SNTG1: variants seen among roughly 807,000 people sequenced by gnomAD.
The protein encoded by SNTG1 is syntrophin gamma 1.
A neutral mutation model predicts 74.7 loss-of-function variants in SNTG1; 39 were observed. The observed-to-expected ratio is 0.52, with a 90% confidence interval of 0.40 to 0.68. SNTG1 has a LOEUF of 0.68. Among genes scored for constraint, SNTG1 ranks in the 30% least tolerant of loss-of-function variants. SNTG1 has a pLI of 0.00. For missense variants in SNTG1, 685 were observed against 609.5 expected, an observed-to-expected ratio of 1.12 and a Z score of -1.30; for synonymous variants, 254 against 217.1, an observed-to-expected ratio of 1.17 and a Z score of -1.49.
intron 13 of SNTG1, among the ~76,000 whole-genome samples, chr8:50,621,183 A>T (rs62516796): frequency 0.013 from 1,927 of 152,114 alleles, 15 homozygotes; most frequent in Non-Finnish European, 0.021. Context: ...TTTCAAGTAA[A>T]TATAGCATTT....
intron 9 of SNTG1, among the ~76,000 whole-genome samples, chr8:50,519,916 T>G (rs982251517): frequency 6.6e-6 from 1 of 151,810 alleles, no homozygotes; most frequent in Non-Finnish European, 1.5e-5. Flanking sequence ...ATTGACTTTC[T>G]TCACAGAATT....
intron 2 of SNTG1, among the ~76,000 whole-genome samples, chr8:50,196,374 C>A (rs975206237): frequency 6.6e-6 from 1 of 152,064 alleles, no homozygotes; most frequent in Non-Finnish European, 1.5e-5. Context: ...GTGAAAACTG[C>A]AATGCACAAT....
intron 1 of SNTG1, among the ~76,000 whole-genome samples, chr8:50,135,177 TG>T (rs1391309185): frequency 6.6e-6 from 1 of 152,160 alleles, no homozygotes; most frequent in Non-Finnish European, 1.5e-5. Context: ...AAAAGTCAAT[TG>T]ATCTTCACGG....
chr8:50,437,857 T>G (rs985353724), intron 4 of SNTG1, among the ~76,000 whole-genome samples: 1 of 152,222 alleles, frequency 6.6e-6, no homozygotes, highest in African/African-American at 2.4e-5. Flanking sequence ...AATGTAGCTC[T>G]TTGTTCTCAT....
intron 8 of SNTG1, among the ~76,000 whole-genome samples, chr8:50,480,068 A>G (rs945379338): frequency 2.6e-5 from 4 of 152,332 alleles, no homozygotes; most frequent in South Asian, 2.1e-4. Flanking sequence ...GGCTAGAATT[A>G]CATGTCAAAC....
Position 50,038,103 on chromosome 8 carries a change from C to T in SNTG1, c.-103+125872C>T, listed in dbSNP as rs1430643081. ...TTCTTATGAATTCATACAGGAATGG[C>T]TCCATCATTTTGTCCTGTTCTGGTC... On this transcript the variant is annotated intron_variant, in intron 1 of 18. Transcript: ENST00000642720. Among the ~76,000 whole-genome samples the T allele has an allele frequency of 2.0e-5, 3 of 152,204 alleles. No homozygotes were observed. In the East Asian group the frequency reaches 5.8e-4, roughly 29 times the overall value.
intron 18 of SNTG1, among the ~76,000 whole-genome samples, chr8:50,755,825 T>C (rs2095578981): frequency 6.6e-6 from 1 of 151,934 alleles, no homozygotes; most frequent in Non-Finnish European, 1.5e-5. Flanking sequence ...TATATTATTG[T>C]TGTTTTAATT....
intron 1 of SNTG1, among the ~76,000 whole-genome samples, chr8:49,986,659 G>T (rs1813182382): frequency 1.3e-5 from 2 of 150,956 alleles, no homozygotes; most frequent in African/African-American, 4.9e-5. Flanking sequence ...GATTGCTTGA[G>T]CTCAGGAGTT....
chr8:50,713,845 G>T (rs557783541), intron 17 of SNTG1, among the ~76,000 whole-genome samples: 5 of 152,074 alleles, frequency 3.3e-5, no homozygotes, highest in Non-Finnish European at 7.4e-5. Flanking sequence ...GGAACATGAG[G>T]TCAAGAGTTT....
At chr8:50,747,418 T>C (rs6988854) in intron 17 of SNTG1, among the ~76,000 whole-genome samples, 63,296 of 151,740 alleles carry the variant, frequency 0.42, 15,644 homozygotes, top group African/African-American at 0.69. Flanking sequence ...GAAATCTAGC[T>C]TAAGTACTAC....
intron 17 of SNTG1, among the ~76,000 whole-genome samples, chr8:50,733,314 T>G (rs1291316759): frequency 6.6e-6 from 1 of 151,986 alleles, no homozygotes; most frequent in Admixed American, 6.6e-5. Flanking sequence ...TACCACATTT[T>G]TTTTTCCAAT....
intron 13 of SNTG1, among the ~76,000 whole-genome samples, chr8:50,654,257 C>T (rs1036442467): frequency 2.0e-5 from 3 of 152,056 alleles, no homozygotes; most frequent in African/African-American, 7.2e-5. Context: ...CTCTTATTCT[C>T]ATATATGTTT....
At chr8:50,046,661 G>GA (rs1563518366) in intron 1 of SNTG1, among the ~76,000 whole-genome samples, 1 of 151,996 alleles carries the variant, frequency 6.6e-6, no homozygotes, top group East Asian at 1.9e-4. Context: ...GGAGTTCATA[G>GA]AAAAAACAAA....
At chr8:50,064,645 C>T (rs941382252) in intron 1 of SNTG1, among the ~76,000 whole-genome samples, 1 of 152,210 alleles carries the variant, frequency 6.6e-6, no homozygotes, top group Non-Finnish European at 1.5e-5. Context: ...CCTCCAACCT[C>T]ATTTCTCCTG....
chr8:50,572,275 T>TAGAGAG (rs71235308), intron 12 of SNTG1, among the ~76,000 whole-genome samples: 9 of 148,372 alleles, frequency 6.1e-5, no homozygotes, highest in South Asian at 2.1e-4. Flanking sequence ...TATATATATA[T>TAGAGAG]AGAGAGAGAG....
At chr8:50,613,820 G>A (rs564031456) in intron 13 of SNTG1, among the ~76,000 whole-genome samples, 45 of 152,100 alleles carry the variant, frequency 3.0e-4, no homozygotes, top group African/African-American at 1.0e-3. Flanking sequence ...TTATAGGAAC[G>A]ATAACATAAA....
chr8:50,103,149 G>A (rs2080215619), intron 1 of SNTG1, among the ~76,000 whole-genome samples: 1 of 152,130 alleles, frequency 6.6e-6, no homozygotes, highest in South Asian at 2.1e-4. Context: ...ATTACCTTGG[G>A]CCGTATGGCC....
chr8:50,602,898 TA>T lies in SNTG1; in HGVS notation c.849+11982del, dbSNP rs374125773. Among the ~76,000 whole-genome samples the T allele has an allele frequency of 1.2e-4, 18 of 144,516 alleles. 1 individual carries two copies. Among genetic ancestry groups the T allele is most frequent in the African/African-American group, 4.8e-4 (17 of 35,746 alleles). 94.8% of individuals were successfully genotyped at this position (144,516 alleles called of 152,430 possible). A position where few individuals can be genotyped will look rare whatever the true frequency, so the allele number is the denominator to read the frequency against. On this transcript the variant is annotated intron_variant, in intron 13 of 18. Transcript: ENST00000642720. ...GATGTATTGGAGCTCCACTGTAAGGTATTTTTTTTTTTTTTTTTCAGTTCTC... is the reference window on the plus strand; with the variant it reads ...GATGTATTGGAGCTCCACTGTAAGGTTTTTTTTTTTTTTTTTTCAGTTCTC...
intron 17 of SNTG1, among the ~76,000 whole-genome samples, chr8:50,750,020 A>G (rs768334519): frequency 1.2e-4 from 19 of 152,044 alleles, no homozygotes; most frequent in Non-Finnish European, 2.1e-4. Context: ...GGATCTTGGC[A>G]GTCAATTAAA....
Sources: allele counts gnomAD v4.1 joint callset (sites outside exome capture counted in the v4.1 genomes callset), GRCh38; gene constraint gnomAD v4.1.1; transcripts MANE v1.5; gene names NCBI Gene and HGNC (gene_info 2026-07-23, HGNC 2026-07-21).